Variants in FHOD3 observed in about 807,000 individuals in gnomAD.
FHOD3 encodes formin homology 2 domain containing 3.
Under a neutral mutation model 173.0 loss-of-function variants are expected in FHOD3, and 90 were observed. The ratio of observed to expected loss-of-function variants is 0.52; its 90% CI spans 0.44 to 0.62. FHOD3 has a LOEUF of 0.62. FHOD3 is among the 20% of genes least tolerant of loss of function. The probability of loss-of-function intolerance (pLI) is 0.00; values close to 1 mark genes in which losing one functional copy is unlikely to be tolerated. For missense variants in FHOD3, 1,945 were observed against 2,034.7 expected, an observed-to-expected ratio of 0.96 and a Z score of 0.85; for synonymous variants, 828 against 823.0, an observed-to-expected ratio of 1.01 and a Z score of -0.10.
intron 11 of FHOD3, among the ~76,000 whole-genome samples, chr18:36,652,301 G>T (rs2036111090): frequency 6.6e-6 from 1 of 152,232 alleles, no homozygotes; most frequent in African/African-American, 2.4e-5. Flanking sequence ...CTTACACCTA[G>T]AGGCCAGGTT....
chr18:36,708,991 A>T, intron 17 of FHOD3, 104 bp from the exon 18 acceptor site: 1 of 1,379,522 alleles, frequency 7.2e-7, no homozygotes, highest in Non-Finnish European at 1.0e-6. Flanking sequence ...CCATCTTTGG[A>T]CATCTGTCCA....
intron 4 of FHOD3, among the ~76,000 whole-genome samples, chr18:36,506,884 C>G (rs755460952): frequency 1.3e-5 from 2 of 152,196 alleles, no homozygotes; most frequent in Non-Finnish European, 2.9e-5. Context: ...CAGAAGAATG[C>G]CTCCTCATCC....
At chr18:36,641,837 T>C (rs1311279325) in intron 10 of FHOD3, among the ~76,000 whole-genome samples, 2 of 151,816 alleles carry the variant, frequency 1.3e-5, no homozygotes, top group South Asian at 2.1e-4. Flanking sequence ...ATGCCTGTTA[T>C]CCCAGCTACT....
At chr18:36,433,603 G>A (rs868264415) in intron 3 of FHOD3, among the ~76,000 whole-genome samples, 1 of 152,148 alleles carries the variant, frequency 6.6e-6, no homozygotes, top group East Asian at 1.9e-4. Context: ...AGAACTGTAC[G>A]TATCACAGCA....
intron 9 of FHOD3, among the ~76,000 whole-genome samples, chr18:36,613,211 G>C (rs2032868853): frequency 6.6e-6 from 1 of 152,180 alleles, no homozygotes; most frequent in Admixed American, 6.5e-5. Flanking sequence ...ACCAGAATCT[G>C]TGCACATGAG....
chr18:36,694,474 G>A (rs2039143204), intron 17 of FHOD3, among the ~76,000 whole-genome samples: 1 of 152,176 alleles, frequency 6.6e-6, no homozygotes. Flanking sequence ...GATTGTCCCA[G>A]GCAGATGGCT....
chr18:36,540,570 G>A (rs1033768486), intron 5 of FHOD3, among the ~76,000 whole-genome samples: 2 of 152,186 alleles, frequency 1.3e-5, no homozygotes, highest in African/African-American at 4.8e-5. Context: ...ATCCAGGTCT[G>A]CTTCTTCCTG....
chr18:36,402,506 TACACACACACACACACACACACACAC>T (rs146120105), intron 3 of FHOD3, among the ~76,000 whole-genome samples: 1 of 143,906 alleles, frequency 6.9e-6, no homozygotes, highest in African/African-American at 2.6e-5. Flanking sequence ...GATGCAATTA[TACACACACACACACACACACACACAC>T]ACACACACAC....
At position 36,584,979 on chromosome 18, in the gene FHOD3, T is replaced by G. The variant is rs754552582; in HGVS notation, c.606+8434T>G. Among the ~76,000 whole-genome samples the G allele has an allele frequency of 3.9e-5, 6 of 152,338 alleles. 1 individual carries two copies. The highest frequency in any genetic ancestry group is 4.1e-4 in the South Asian group (2 of 4,828). ...CATCATTTTTTGGTACCTTTTCTTCTGATTTTTTAAATTTTTCTTACAAAA... is the reference window on the plus strand; with the variant it reads ...CATCATTTTTTGGTACCTTTTCTTCGGATTTTTTAAATTTTTCTTACAAAA... On this transcript the variant is annotated intron_variant, in intron 6 of 28. Coordinates refer to ENST00000590592, the MANE Select transcript of FHOD3 (RefSeq NM_001281740.3).
At chr18:36,779,334 C>A (rs1600698389) in intron 28 of FHOD3, 114 bp from the exon 29 acceptor site, 1 of 906,890 alleles carries the variant, frequency 1.1e-6, no homozygotes, top group Non-Finnish European at 1.8e-6. Context: ...CCTCTGGCTT[C>A]TCTGGAAGTC....
At chr18:36,655,503 C>T (rs1359633285) in intron 13 of FHOD3, among the ~76,000 whole-genome samples, 1 of 152,156 alleles carries the variant, frequency 6.6e-6, no homozygotes, top group African/African-American at 2.4e-5. Context: ...AAAAAAGCTG[C>T]TTGCTTGTGA....
chr18:36,701,771 A>C (rs965700400), intron 17 of FHOD3, among the ~76,000 whole-genome samples: 2 of 152,190 alleles, frequency 1.3e-5, no homozygotes, highest in Non-Finnish European at 2.9e-5. Flanking sequence ...CGCTAAATTA[A>C]AACCGTGATT....
chr18:36,450,316 C>T (rs2051755745), intron 3 of FHOD3, among the ~76,000 whole-genome samples: 1 of 152,162 alleles, frequency 6.6e-6, no homozygotes, highest in Non-Finnish European at 1.5e-5. Flanking sequence ...GCCAGCGGAG[C>T]TCCCTGGTGG....
At chr18:36,306,734 G>A (rs1424141753) in intron 1 of FHOD3, among the ~76,000 whole-genome samples, 1 of 152,114 alleles carries the variant, frequency 6.6e-6, no homozygotes, top group Admixed American at 6.5e-5. Context: ...CAGCCCAAGA[G>A]CCTAGAACAG....
At chr18:36,298,341 G>GTCGGCC (rs1241942935) in intron 1 of FHOD3, among the ~76,000 whole-genome samples, 2 of 152,198 alleles carry the variant, frequency 1.3e-5, no homozygotes, top group African/African-American at 4.8e-5. Context: ...GACGCGGGCA[G>GTCGGCC]TCGGCCTCGG....
At chr18:36,664,809 A>AGAGT in intron 14 of FHOD3, among the ~76,000 whole-genome samples, 3 of 150,638 alleles carry the variant, frequency 2.0e-5, no homozygotes, top group African/African-American at 7.4e-5. Flanking sequence ...AGAGAGAGAG[A>AGAGT]GAGAGATTGA....
chr18:36,717,092 G>A (rs1329450871), intron 18 of FHOD3, among the ~76,000 whole-genome samples: 1 of 152,120 alleles, frequency 6.6e-6, no homozygotes, highest in Non-Finnish European at 1.5e-5. Flanking sequence ...GCAGTTGCAG[G>A]AGGGAAGCTG....
chr18:36,329,689 G>A (rs2044882660), intron 1 of FHOD3, among the ~76,000 whole-genome samples: 1 of 152,110 alleles, frequency 6.6e-6, no homozygotes, highest in Non-Finnish European at 1.5e-5. Context: ...TCAAGGAAAG[G>A]ATGAGGCCAG....
chr18:36,460,198 G>C (rs533121173), intron 3 of FHOD3, among the ~76,000 whole-genome samples: 1 of 152,142 alleles, frequency 6.6e-6, no homozygotes, highest in African/African-American at 2.4e-5. Flanking sequence ...GTCCCCCACT[G>C]TTCTGCTACT....
Sources: allele counts gnomAD v4.1 joint callset (sites outside exome capture counted in the v4.1 genomes callset), GRCh38; gene constraint gnomAD v4.1.1; transcripts MANE v1.5; gene names NCBI Gene and HGNC (gene_info 2026-07-23, HGNC 2026-07-21).